COLQ: variants seen among roughly 807,000 people sequenced by gnomAD.
COLQ encodes collagen like tail subunit of asymmetric acetylcholinesterase, also known as acetylcholinesterase collagenic tail peptide.
In COLQ, 48 loss-of-function variants were observed where a neutral mutation model predicts 69.0. The ratio of observed to expected loss-of-function variants is 0.70; its 90% confidence interval spans 0.55 to 0.88. COLQ has a LOEUF of 0.88. Ranked by LOEUF, COLQ falls within the 40% of genes least tolerant of loss-of-function variation. COLQ has a pLI of 0.00. For synonymous variants in COLQ, 217 were observed against 211.2 expected (o/e 1.03, Z -0.24); for missense variants, 618 against 594.6 (o/e 1.04, Z -0.41).
At chr3:15,478,887 T>C in intron 5 of COLQ, 90 bp downstream of exon 5, 1 of 1,482,350 alleles carries the variant, frequency 6.7e-7, no homozygotes, top group South Asian at 1.1e-5. Context: ...ACCACTGAAG[T>C]GCATTGCTGT....
chr3:15,474,058 T>C (rs1353795803), intron 9 of COLQ, 23 bp from the exon 10 acceptor site: 3 of 1,614,126 alleles, frequency 1.9e-6, no homozygotes, highest in East Asian at 2.2e-5. Flanking sequence ...CAACAAATAA[T>C]TGTGATCACC....
chr3:15,518,171 C>T (rs1253451851), intron 1 of COLQ, among the ~76,000 whole-genome samples: 2 of 152,198 alleles, frequency 1.3e-5, no homozygotes, highest in Non-Finnish European at 2.9e-5. Context: ...GTCTCGAACT[C>T]CTGACCTCAG....
At chr3:15,496,770 G>T (rs557000049) in intron 1 of COLQ, among the ~76,000 whole-genome samples, 6 of 152,202 alleles carry the variant, frequency 3.9e-5, no homozygotes, top group African/African-American at 1.4e-4. Flanking sequence ...TTTTGTTGTC[G>T]ATGATGCTGG....
At chr3:15,515,572 G>T (rs925565898) in intron 1 of COLQ, among the ~76,000 whole-genome samples, 4 of 152,246 alleles carry the variant, frequency 2.6e-5, no homozygotes, top group Non-Finnish European at 5.9e-5. Flanking sequence ...CACTTTGGGA[G>T]GCTGAGGCAG....
chr3:15,461,801 C>T (rs746171946), intron 12 of COLQ, among the ~76,000 whole-genome samples: 3 of 152,024 alleles, frequency 2.0e-5, no homozygotes, highest in Admixed American at 6.5e-5. Context: ...GGCTATCTCA[C>T]GATGGCGCTG....
intron 1 of COLQ, among the ~76,000 whole-genome samples, chr3:15,496,600 G>A (rs374842707): frequency 1.1e-4 from 17 of 152,360 alleles, no homozygotes; most frequent in South Asian, 4.1e-4. Flanking sequence ...GGAGCAGCAC[G>A]TGGCTCAGCA....
intron 1 of COLQ, among the ~76,000 whole-genome samples, 184 bp downstream of exon 1, chr3:15,521,336 G>A (rs770872486): frequency 5.9e-5 from 9 of 152,200 alleles, no homozygotes; most frequent in Admixed American, 2.0e-4. Context: ...GTTGGAACAA[G>A]GACAGAAGGG....
intron 12 of COLQ, among the ~76,000 whole-genome samples, chr3:15,461,314 C>T (rs1229645539): frequency 6.6e-6 from 1 of 152,086 alleles, no homozygotes; most frequent in Non-Finnish European, 1.5e-5. Context: ...AGGTCACCTC[C>T]CAACAGGATG....
chr3:15,455,700 C>T (rs955174410), intron 15 of COLQ, among the ~76,000 whole-genome samples, 199 bp downstream of exon 15: 1 of 152,184 alleles, frequency 6.6e-6, no homozygotes, highest in African/African-American at 2.4e-5. Flanking sequence ...TGGTGAGGTG[C>T]TTGGGTGGTG....
At chr3:15,508,199 T>C (rs1214365622) in intron 1 of COLQ, among the ~76,000 whole-genome samples, 3 of 152,234 alleles carry the variant, frequency 2.0e-5, no homozygotes, top group Non-Finnish European at 4.4e-5. Flanking sequence ...TTCTGGTGTT[T>C]TCCTGTGGCC....
intron 3 of COLQ, among the ~76,000 whole-genome samples, chr3:15,479,964 C>T (rs532773363): frequency 9.2e-5 from 14 of 152,114 alleles, no homozygotes; most frequent in Non-Finnish European, 1.8e-4. Context: ...ATTTTTGTGC[C>T]TTGGAGAGGA....
rs996172236 is a variant in COLQ, at chr3:15,456,145, G to A, written c.1075-126C>T. On this transcript the variant is annotated intron_variant, in intron 14 of 16. Transcript: ENST00000383788. ...ATGCCTTGACTTCCTCCCAGGGGTG[G>A]GAAAGGTACTCCTTTCCTGTTGCCC... The A allele has an allele frequency of 4.8e-5, 56 of 1,163,134 alleles. No homozygotes were observed. In the East Asian group the frequency reaches 1.4e-3, roughly 29 times the overall value. The allele number at this position is 1,163,134 out of a possible 1,614,324, so 72.1% of individuals were successfully genotyped here. A position where few individuals can be genotyped will look rare whatever the true frequency, so the allele number is the denominator to read the frequency against.
At chr3:15,457,906 C>G (rs1232002131) in intron 13 of COLQ, among the ~76,000 whole-genome samples, 2 of 152,192 alleles carry the variant, frequency 1.3e-5, no homozygotes, top group Non-Finnish European at 2.9e-5. Context: ...CATAAGCCAC[C>G]ATGCCCGGCC....
At chr3:15,456,654 CAG>C (rs1023169531) in intron 13 of COLQ, 75 bp from the exon 14 acceptor site, 78 of 1,593,334 alleles carry the variant, frequency 4.9e-5, no homozygotes, top group Admixed American at 6.7e-5. Flanking sequence ...GAGGAGGAAA[CAG>C]AATCTCTATC....
chr3:15,475,086 G>A, intron 7 of COLQ, 135 bp from the exon 8 acceptor site: 2 of 948,004 alleles, frequency 2.1e-6, no homozygotes. Context: ...TGGGGTTGCA[G>A]CACCAAACAC....
rs1302065727 is a variant in COLQ, at chr3:15,475,345, C to A, written c.528+80G>T. The A allele has an allele frequency of 4.5e-6, 6 of 1,339,738 alleles. No individual in the cohort carries two copies. In the South Asian group the frequency reaches 5.0e-5, roughly 11 times the overall value. 83.0% of individuals were successfully genotyped at this position (1,339,738 alleles called of 1,614,324 possible). ...CCCTAGTCCGGGACTGCAGCCCCAC[C>A]CAGTCCCTATGTTTGTAGACAGCAG... is the stretch of plus-strand genomic sequence containing the variant. On this transcript the variant is annotated intron_variant, in intron 7 of 16. Transcript: ENST00000383788.
chr3:15,478,265 G>A (rs1407844502), intron 5 of COLQ, among the ~76,000 whole-genome samples: 2 of 152,170 alleles, frequency 1.3e-5, no homozygotes, highest in Admixed American at 1.3e-4. Flanking sequence ...TTGTAACTTT[G>A]TCTTGCAAAA....
intron 3 of COLQ, among the ~76,000 whole-genome samples, chr3:15,480,201 C>CT (rs1575477819): frequency 6.6e-6 from 1 of 152,252 alleles, no homozygotes; most frequent in Non-Finnish European, 1.5e-5. Context: ...TTAAATTATA[C>CT]TTTAAGTTCT....
At chr3:15,456,044 A>C in intron 14 of COLQ, 25 bp from the exon 15 acceptor site, 1 of 1,613,768 alleles carries the variant, frequency 6.2e-7, no homozygotes, top group Non-Finnish European at 8.5e-7. Context: ...ACACAGCATT[A>C]ACTGGAGCAT....
Sources: gnomAD v4.1 joint callset for allele counts (sites outside exome capture counted in the v4.1 genomes callset) on GRCh38, gnomAD v4.1.1 for gene constraint, MANE v1.5 for transcripts, NCBI Gene and HGNC (gene_info 2026-07-23, HGNC 2026-07-21) for gene names.